Variants in PTPRN2 observed in about 807,000 individuals in gnomAD.
PTPRN2 encodes protein tyrosine phosphatase receptor type N2, also known as receptor-type tyrosine-protein phosphatase N2.
A neutral mutation model predicts 118.8 loss-of-function variants in PTPRN2; 74 were observed. That is an observed-to-expected ratio of 0.62 (90% CI 0.52 to 0.76). The LOEUF (loss-of-function observed/expected upper bound fraction) is 0.76, where lower values mean the gene tolerates loss of function less well. Ranked by LOEUF, PTPRN2 falls within the 30% of genes least tolerant of loss-of-function variation. PTPRN2 has a pLI of 0.00. For missense variants in PTPRN2, 1,481 were observed against 1,394.4 expected, an observed-to-expected ratio of 1.06 and a Z score of -0.99; for synonymous variants, 641 against 608.0, an observed-to-expected ratio of 1.05 and a Z score of -0.80.
intron 11 of PTPRN2, among the ~76,000 whole-genome samples, chr7:157,961,720 G>A (rs1352542248): frequency 2.0e-5 from 3 of 152,086 alleles, no homozygotes; most frequent in African/African-American, 7.2e-5. Flanking sequence ...GAAATTTTCA[G>A]GTGACTGCCT....
intron 6 of PTPRN2, among the ~76,000 whole-genome samples, chr7:158,150,177 G>C (rs1820823444): frequency 6.6e-6 from 1 of 152,216 alleles, no homozygotes; most frequent in South Asian, 2.1e-4. Flanking sequence ...GCCTCAAGCG[G>C]GGCAGTGTGT....
chr7:157,982,187 A>G lies in PTPRN2; in HGVS notation c.1724-83450T>C, dbSNP rs753618940. On this transcript the variant is annotated intron_variant, in intron 11 of 22. Transcript: ENST00000389418. ...AGATGAGGAGGGGAATGCAGAGTGC[A>G]GGGTCCCCCCTAAACCCCGAGTCAC... is the stretch of plus-strand genomic sequence containing the variant. Among the ~76,000 whole-genome samples the G allele has an allele frequency of 1.7e-3, 168 of 96,540 alleles. 5 individuals are homozygous for G. The highest frequency in any genetic ancestry group is 2.7e-3 in the Non-Finnish European group (128 of 46,768). The allele number at this position is 96,540 out of a possible 152,430, so 63.3% of individuals were successfully genotyped here.
chr7:158,017,451 C>T (rs941044691), intron 11 of PTPRN2, among the ~76,000 whole-genome samples: 1 of 152,188 alleles, frequency 6.6e-6, no homozygotes, highest in African/African-American at 2.4e-5. Context: ...GAGGGGTGCC[C>T]AGGAGCACCT....
chr7:158,066,264 G>A (rs73171563), intron 11 of PTPRN2, among the ~76,000 whole-genome samples: 7,139 of 152,284 alleles, frequency 0.047, 205 homozygotes, highest in Middle Eastern at 0.068. Flanking sequence ...CTTCCATGAG[G>A]TGGATGAGTC....
At chr7:158,115,123 C>T (rs1432916878) in intron 9 of PTPRN2, among the ~76,000 whole-genome samples, 2 of 152,124 alleles carry the variant, frequency 1.3e-5, no homozygotes, top group East Asian at 1.9e-4. Flanking sequence ...GCTATGATTG[C>T]ACCTGTGAAT....
At chr7:158,311,749 C>T (rs189500131) in intron 3 of PTPRN2, among the ~76,000 whole-genome samples, 94 of 152,364 alleles carry the variant, frequency 6.2e-4, no homozygotes, top group East Asian at 5.2e-3. Flanking sequence ...CTGTTTCAAG[C>T]GCAGTTACCA....
intron 6 of PTPRN2, among the ~76,000 whole-genome samples, chr7:158,141,755 G>T (rs772416266): frequency 2.6e-4 from 40 of 152,128 alleles, no homozygotes; most frequent in Non-Finnish European, 4.4e-4. Context: ...TCCTGTCAGC[G>T]CCACTCCAGA....
chr7:158,115,929 G>A (rs1816691174), intron 9 of PTPRN2, among the ~76,000 whole-genome samples: 1 of 152,176 alleles, frequency 6.6e-6, no homozygotes, highest in South Asian at 2.1e-4. Flanking sequence ...TCCACCCTGT[G>A]CCACCCTCAG....
At chr7:157,897,649 CT>C (rs1797209262) in intron 12 of PTPRN2, among the ~76,000 whole-genome samples, 1 of 152,234 alleles carries the variant, frequency 6.6e-6, no homozygotes. Context: ...TCAGGCTATT[CT>C]TAAGCAGGCT....
chr7:157,661,673 G>C (rs917508435), intron 13 of PTPRN2, among the ~76,000 whole-genome samples: 1 of 152,230 alleles, frequency 6.6e-6, no homozygotes, highest in African/African-American at 2.4e-5. Flanking sequence ...AGGGAGGAAC[G>C]GGATGGTGGG....
Position 158,587,615 on chromosome 7 carries a change from C to A in PTPRN2, c.55G>T (p.Val19Phe). The change falls in exon 1 of 23, where the codon GTC becomes TTC. Residue 19 changes from valine (V) to phenylalanine (F), a missense_variant. Physicochemically the swap from Val to Phe is conservative, Grantham distance 50. Transcript: ENST00000389418. ...LLLLLLLPPR[V>F]LPAAPSSVPR... Reference sequence around the variant, plus strand: ...ACGGACGAAGGGGCGGCAGGCAGGACGCGTGGCGGCAGCAGCAGCAGTAGC... The same window carrying A: ...ACGGACGAAGGGGCGGCAGGCAGGAAGCGTGGCGGCAGCAGCAGCAGTAGC... 7.3e-7 allele frequency: 1 copy of A among 1,361,450 alleles called. No homozygotes were observed. 84.3% of individuals were successfully genotyped at this position (1,361,450 alleles called of 1,614,324 possible).
chr7:157,964,383 G>C lies in PTPRN2; in HGVS notation c.1724-65646C>G, dbSNP rs898036015. Among the ~76,000 whole-genome samples the C allele has an allele frequency of 6.6e-6, 1 of 151,792 alleles. No homozygotes were observed. Among genetic ancestry groups the C allele is most frequent in the Non-Finnish European group, 1.5e-5 (1 of 67,988 alleles). On this transcript the variant is annotated intron_variant, in intron 11 of 22. Coordinates refer to ENST00000389418, the MANE Select transcript of PTPRN2 (RefSeq NM_002847.5). This position sits in a 1 kb window ranked among gnomAD's most constrained non-coding sequence, Gnocchi z 9.0. ...ATGTTGGCAACTGCTGGGCTGGATG[G>C]TTATTAGCATATTAGGATGACATTT...
At chr7:158,134,414 A>G (rs575871728) in intron 8 of PTPRN2, among the ~76,000 whole-genome samples, 102 of 152,142 alleles carry the variant, frequency 6.7e-4, no homozygotes, top group African/African-American at 2.3e-3. Flanking sequence ...TCAAGATCCC[A>G]CCCCAGCCCT....
chr7:157,717,630 C>T (rs745478219), intron 12 of PTPRN2, among the ~76,000 whole-genome samples: 44 of 152,398 alleles, frequency 2.9e-4, no homozygotes, highest in Non-Finnish European at 5.3e-4. Context: ...CACAGCTCCA[C>T]GCCTCACCTC....
intron 2 of PTPRN2, among the ~76,000 whole-genome samples, chr7:158,405,586 G>A (rs1273684780): frequency 6.6e-6 from 1 of 152,192 alleles, no homozygotes; most frequent in Non-Finnish European, 1.5e-5. Flanking sequence ...ACACTTTACT[G>A]CAGCAAGAGA....
chr7:157,556,376 ACACAC>A (rs1798882193), intron 21 of PTPRN2, among the ~76,000 whole-genome samples: 1 of 151,030 alleles, frequency 6.6e-6, no homozygotes, highest in Non-Finnish European at 1.5e-5. Flanking sequence ...ACAGGCATGC[ACACAC>A]CACACAACAC....
intron 1 of PTPRN2, among the ~76,000 whole-genome samples, chr7:158,550,662 G>A (rs980584922): frequency 6.6e-6 from 1 of 152,214 alleles, no homozygotes; most frequent in African/African-American, 2.4e-5. Context: ...CAGCCTCTTC[G>A]TTTATTCATT....
intron 11 of PTPRN2, among the ~76,000 whole-genome samples, chr7:158,075,155 G>A (rs1207850108): frequency 6.6e-6 from 1 of 152,182 alleles, no homozygotes; most frequent in African/African-American, 2.4e-5. Flanking sequence ...CCTGGGTGCT[G>A]CCAGCCCTGA....
intron 11 of PTPRN2, among the ~76,000 whole-genome samples, chr7:157,984,450 C>T: frequency 9.4e-6 from 1 of 106,446 alleles, no homozygotes; most frequent in Non-Finnish European, 2.0e-5. Flanking sequence ...AGGCTCCACC[C>T]CCCCCACGCC....
Sources: gnomAD v4.1 joint callset for allele counts (sites outside exome capture counted in the v4.1 genomes callset) on GRCh38, gnomAD v4.1.1 for gene constraint, Gnocchi (gnomAD v3.1) non-coding constraint, MANE v1.5 for transcripts, NCBI Gene and HGNC (gene_info 2026-07-23, HGNC 2026-07-21) for gene names.